Variants in DMD observed in about 807,000 individuals in gnomAD.
DMD encodes mutant dystrophin.
In DMD, 63 loss-of-function variants were observed where a neutral mutation model predicts 330.1. That is an observed-to-expected ratio of 0.19 (90% CI 0.16 to 0.24). The LOEUF (loss-of-function observed/expected upper bound fraction) is 0.24, where lower values mean the gene tolerates loss of function less well. Among genes scored for constraint, DMD ranks in the 10% least tolerant of loss-of-function variants. DMD has a pLI of 1.00. For synonymous variants in DMD, 1,223 were observed against 959.8 expected (o/e 1.27, Z -5.07); for missense variants, 3,344 against 2,684.1 (o/e 1.25, Z -5.43).
rs1555970778 is a variant in DMD at position 31,120,868 on chromosome X, T to TCAATCAATCAATCAATCAAC, written c.*1031_*1050dup. On this transcript the variant is annotated 3_prime_UTR_variant, in exon 79 of 79. Transcript: ENST00000357033. ...TGCTAGCAGCAGGAAGCTGAATGTA[T>TCAATCAATCAATCAATCAAC]CAATCAATCAATCAATCAACCAACC... The TCAATCAATCAATCAATCAAC allele has an allele frequency of 5.0e-5, 5 of 100,025 alleles. No homozygotes were observed. Among genetic ancestry groups the TCAATCAATCAATCAATCAAC allele is most frequent in the African/African-American group, 2.3e-4 (5 of 21,474 alleles). The allele number at this position is 100,025 out of a possible 1,213,427, so 8.2% of individuals were successfully genotyped here.
chrX:32,908,325 T>C (rs751994474), intron 2 of DMD, among the ~76,000 whole-genome samples: 2 of 112,060 alleles, frequency 1.8e-5, no homozygotes, highest in Non-Finnish European at 3.8e-5. Flanking sequence ...AGCCATCATA[T>C]GGCTTGTAGT....
intron 7 of DMD, among the ~76,000 whole-genome samples, chrX:32,764,875 G>C (rs762739526): frequency 1.2e-4 from 13 of 109,950 alleles, no homozygotes; most frequent in Admixed American, 1.2e-3. Context: ...TGTTTCCACA[G>C]TGACTGCAAG....
At chrX:33,018,521 A>G (rs748653285) in intron 2 of DMD, among the ~76,000 whole-genome samples, 10 of 111,857 alleles carry the variant, frequency 8.9e-5, no homozygotes, top group Non-Finnish European at 1.9e-4. Flanking sequence ...GATAATGGAA[A>G]AGGTTAATGC....
At chrX:31,669,691 T>C (rs2081632411) in intron 53 of DMD, among the ~76,000 whole-genome samples, 1 of 111,728 alleles carries the variant, frequency 9.0e-6, no homozygotes, top group African/African-American at 3.3e-5. Context: ...CACATTCTAG[T>C]ACCACATTGA....
At chrX:31,787,567 A>T (rs2091367391) in intron 50 of DMD, among the ~76,000 whole-genome samples, 1 of 111,463 alleles carries the variant, frequency 9.0e-6, no homozygotes. Context: ...CTTATGTGAA[A>T]TATGCACACT....
chrX:31,487,347 G>A (rs1440750024), intron 57 of DMD, among the ~76,000 whole-genome samples: 1 of 108,299 alleles, frequency 9.2e-6, no homozygotes, highest in East Asian at 2.9e-4. Context: ...TGCAAGCTCC[G>A]TCTCCCAGGT....
chrX:32,210,784 C>T (rs191429744), intron 44 of DMD, among the ~76,000 whole-genome samples: 5 of 111,500 alleles, frequency 4.5e-5, no homozygotes, highest in South Asian at 3.8e-4. Flanking sequence ...GACCTTTCAA[C>T]GGCAGTACCT....
At chrX:31,374,400 C>T (rs1414800519) in intron 60 of DMD, among the ~76,000 whole-genome samples, 2 of 109,148 alleles carry the variant, frequency 1.8e-5, no homozygotes, top group African/African-American at 6.7e-5. Flanking sequence ...CTATTCACAA[C>T]AGCAAAGACT....
At chrX:32,943,371 A>C (rs1009652992) in intron 2 of DMD, among the ~76,000 whole-genome samples, 2 of 111,520 alleles carry the variant, frequency 1.8e-5, no homozygotes, top group Non-Finnish European at 3.8e-5. Context: ...AGAGGTTAAA[A>C]ATTTATATTT....
At chrX:33,146,508 T>C (rs751803833) in intron 1 of DMD, among the ~76,000 whole-genome samples, 129 of 111,794 alleles carry the variant, frequency 1.2e-3, no homozygotes, top group African/African-American at 3.9e-3. Flanking sequence ...AGGTAGTTTC[T>C]ATTACAATCT....
intron 44 of DMD, among the ~76,000 whole-genome samples, chrX:31,985,093 G>C (rs972802682): frequency 3.6e-5 from 4 of 111,367 alleles, no homozygotes; most frequent in African/African-American, 6.5e-5. Context: ...GAATAGACCT[G>C]GTAATAATAA....
chrX:33,195,779 C>T (rs1434840173), intron 1 of DMD, among the ~76,000 whole-genome samples: 1 of 85,757 alleles, frequency 1.2e-5, no homozygotes, highest in Non-Finnish European at 2.5e-5. Flanking sequence ...CAAAATAATG[C>T]ATGCCAGTAT....
chrX:31,721,039 G>C (rs776366244), intron 52 of DMD, among the ~76,000 whole-genome samples: 1 of 111,270 alleles, frequency 9.0e-6, no homozygotes, highest in Non-Finnish European at 1.9e-5. Flanking sequence ...TTATATATCA[G>C]TTTTTATATA....
At position 32,390,079 on chromosome X, in the gene DMD, C is replaced by T. The variant is rs756852420; in HGVS notation, c.4336G>A (p.Val1446Ile). 5 of 1,204,200 alleles carry T rather than the reference C, an allele frequency of 4.2e-6. No homozygotes were observed. Among genetic ancestry groups the T allele is most frequent in the Non-Finnish European group, 5.6e-6 (5 of 888,749 alleles). Residue 1446 changes from valine to isoleucine, a missense_variant, in exon 31 of 79, where the codon GTT becomes ATT. Physicochemically the swap from Val to Ile is conservative, Grantham distance 29 (BLOSUM62 3). Transcript: ENST00000357033. ...TCTGAAATAACATATACCTGTGCAA[C>T]ATCAATCTGAGACAGGACTCTTTGG... ...AAQRVLSQID[V>I]AQKKLQDVSM...
chrX:32,652,530 C>A (rs1368617525), intron 9 of DMD, among the ~76,000 whole-genome samples: 3 of 110,613 alleles, frequency 2.7e-5, no homozygotes, highest in Non-Finnish European at 5.7e-5. Context: ...TTAATCCAGT[C>A]TATCATCGAT....
At chrX:32,269,079 G>A (rs2097355698) in intron 43 of DMD, among the ~76,000 whole-genome samples, 3 of 111,159 alleles carry the variant, frequency 2.7e-5, no homozygotes, top group Middle Eastern at 4.2e-3. Context: ...CGATAAGATC[G>A]CAGGAGTTGG....
At chrX:31,600,908 T>G (rs2077333107) in intron 55 of DMD, among the ~76,000 whole-genome samples, 1 of 108,950 alleles carries the variant, frequency 9.2e-6, no homozygotes, top group Non-Finnish European at 1.9e-5. Flanking sequence ...TCCTAGAGTC[T>G]TGTGCTATCT....
chrX:32,683,807 G>C (rs1319956731), intron 9 of DMD, among the ~76,000 whole-genome samples: 1 of 108,535 alleles, frequency 9.2e-6, no homozygotes, highest in Non-Finnish European at 1.9e-5. Flanking sequence ...AAGAAAGAAA[G>C]AAGGAGTGAA....
At chrX:32,200,973 T>A (rs1346766808) in intron 44 of DMD, among the ~76,000 whole-genome samples, 1 of 111,418 alleles carries the variant, frequency 9.0e-6, no homozygotes, top group Admixed American at 9.6e-5. Flanking sequence ...TACATCACTC[T>A]CACTACCAAA....
Sources: allele counts gnomAD v4.1 joint callset (sites outside exome capture counted in the v4.1 genomes callset), GRCh38; gene constraint gnomAD v4.1.1; transcripts MANE v1.5; gene names NCBI Gene and HGNC (gene_info 2026-07-23, HGNC 2026-07-21).